Variants in CFAP69 observed in about 807,000 individuals in gnomAD.
CFAP69 encodes cilia and flagella associated protein 69.
A neutral mutation model predicts 123.0 loss-of-function variants in CFAP69; 92 were observed. That is an observed-to-expected ratio of 0.75 (90% CI 0.63 to 0.89). The LOEUF is 0.89. Among genes scored for constraint, CFAP69 ranks in the 40% least tolerant of loss-of-function variants. CFAP69 has a pLI of 0.00. For synonymous variants in CFAP69, 380 were observed against 364.3 expected (o/e 1.04, Z -0.49); for missense variants, 1,067 against 1,096.9 (o/e 0.97, Z 0.39).
At chr7:90,278,025 G>A (rs952995830) in intron 11 of CFAP69, among the ~76,000 whole-genome samples, 5 of 151,992 alleles carry the variant, frequency 3.3e-5, no homozygotes, top group Non-Finnish European at 2.9e-5. Context: ...GACAGTAAAT[G>A]TATTATTAAC....
downstream of CFAP69, among the ~76,000 whole-genome samples, chr7:90,311,851 C>T (rs1466770875): frequency 2.0e-5 from 3 of 152,134 alleles, no homozygotes; most frequent in Non-Finnish European, 4.4e-5. Flanking sequence ...TTGTTCTCTC[C>T]TGAATCCCTT....
At chr7:90,292,426 A>T (rs549851308) in intron 15 of CFAP69, among the ~76,000 whole-genome samples, 1 of 152,340 alleles carries the variant, frequency 6.6e-6, no homozygotes, top group East Asian at 1.9e-4. Context: ...GGCTTTACAC[A>T]TCAAGTCTGA....
At chr7:90,256,923 T>G (rs569898081) in intron 2 of CFAP69, among the ~76,000 whole-genome samples, 1 of 152,290 alleles carries the variant, frequency 6.6e-6, no homozygotes, top group South Asian at 2.1e-4. Flanking sequence ...TTATTTTCAT[T>G]TTTAATTGAC....
At chr7:90,319,471 A>G in the CFAP69 span, 6 of 398,480 alleles carry the variant, frequency 1.5e-5, no homozygotes, top group African/African-American at 1.2e-4. Context: ...ATCCTGAGCT[A>G]TGTTTAAGAA....
At chr7:90,268,605 A>G (rs1214678801) in intron 6 of CFAP69, among the ~76,000 whole-genome samples, 1 of 152,132 alleles carries the variant, frequency 6.6e-6, no homozygotes, top group African/African-American at 2.4e-5. Flanking sequence ...AATATGAACA[A>G]ATTTGTAAAG....
intron 5 of CFAP69, among the ~76,000 whole-genome samples, chr7:90,267,508 A>G (rs1241622912): frequency 1.3e-5 from 2 of 152,226 alleles, no homozygotes; most frequent in Non-Finnish European, 2.9e-5. Context: ...TAGGACTTCA[A>G]CAGAGTAGAT....
chr7:90,282,434 T>A (rs1489547608), intron 12 of CFAP69, among the ~76,000 whole-genome samples: 1 of 152,180 alleles, frequency 6.6e-6, no homozygotes, highest in Non-Finnish European at 1.5e-5. Flanking sequence ...TAAAATTCAA[T>A]GTGGATGTAT....
At chr7:90,308,094 A>G (rs1176373200) in intron 21 of CFAP69, among the ~76,000 whole-genome samples, 1 of 152,176 alleles carries the variant, frequency 6.6e-6, no homozygotes, top group Non-Finnish European at 1.5e-5. Context: ...TTCTTGACCT[A>G]CATAAAGAAG....
chr7:90,277,831 T>C (rs921066776), intron 11 of CFAP69, among the ~76,000 whole-genome samples: 18 of 152,136 alleles, frequency 1.2e-4, no homozygotes, highest in African/African-American at 4.1e-4. Flanking sequence ...CGTGATATAA[T>C]TTGAAAAATA....
Position 90,245,564 on chromosome 7 carries a change from C to A in CFAP69, c.120+20C>A. On this transcript the variant is annotated intron_variant, in intron 1 of 22. Transcript: ENST00000389297. ...GCGCAGGTATGAGCAGGTGTCTGTG[C>A]TTTCAGAGGTGGAGGGGGTGGGAGT... The A allele has an allele frequency of 6.9e-7, 1 of 1,457,700 alleles. No individual in the cohort carries two copies. Among genetic ancestry groups the A allele is most frequent in the Admixed American group, 2.7e-5 (1 of 37,322 alleles). The allele number at this position is 1,457,700 out of a possible 1,614,324, so 90.3% of individuals were successfully genotyped here.
intron 6 of CFAP69, 79 bp from the exon 7 acceptor site, chr7:90,271,447 A>G: frequency 7.0e-7 from 1 of 1,426,278 alleles, no homozygotes; most frequent in Non-Finnish European, 9.5e-7. Flanking sequence ...CTGTTGCTTA[A>G]TAATAAATTA....
intron 13 of CFAP69, among the ~76,000 whole-genome samples, 170 bp downstream of exon 13, chr7:90,283,226 AATATC>A (rs1378923841): frequency 6.6e-6 from 1 of 152,172 alleles, no homozygotes; most frequent in East Asian, 1.9e-4. Flanking sequence ...GTCTTATTGA[AATATC>A]ATACTTACTA....
chr7:90,254,442 A>G lies in CFAP69; in HGVS notation c.121-981A>G, dbSNP rs1038618023. 2.0e-5 allele frequency among the ~76,000 whole-genome samples: 3 copies of G among 152,096 alleles called. No individual in the cohort carries two copies. In the South Asian group the frequency reaches 6.2e-4, roughly 32 times the overall value. Reference sequence around the variant, plus strand: ...CCAAATCTTTATTAAGCAACTAACAATATTATATGTCAGGCCCAGTGTTGG... The same window carrying G: ...CCAAATCTTTATTAAGCAACTAACAGTATTATATGTCAGGCCCAGTGTTGG... On this transcript the variant is annotated intron_variant, in intron 1 of 22. Transcript: ENST00000389297.
At chr7:90,287,571 A>G in intron 14 of CFAP69, 1 of 985,350 alleles carries the variant, frequency 1.0e-6, no homozygotes, top group Non-Finnish European at 1.2e-6. Flanking sequence ...GGAATTGGAA[A>G]GATAAAAACA....
chr7:90,306,861 T>C (rs17869850), intron 19 of CFAP69, 40 bp from the exon 20 acceptor site: 5 of 1,196,646 alleles, frequency 4.2e-6, no homozygotes, highest in Non-Finnish European at 4.9e-6. Context: ...GCATGATTTG[T>C]TTTTGGTTAA....
At chr7:90,280,393 G>T (rs551872038) in intron 12 of CFAP69, among the ~76,000 whole-genome samples, 1 of 152,082 alleles carries the variant, frequency 6.6e-6, no homozygotes, top group South Asian at 2.1e-4. Context: ...ACAGGGTTTC[G>T]CCATGTTGCC....
intron 9 of CFAP69, chr7:90,276,300 T>C (rs916097858): frequency 6.6e-5 from 10 of 152,244 alleles, no homozygotes; most frequent in African/African-American, 2.2e-4. Context: ...CTGCAACTTA[T>C]AGGTAGACCT....
At chr7:90,300,473 T>C in intron 17 of CFAP69, 1 of 776,462 alleles carries the variant, frequency 1.3e-6, no homozygotes, top group Non-Finnish European at 1.6e-6. Context: ...CAACATGATC[T>C]GATTAATGTT....
chr7:90,245,297 C>T lies in CFAP69; in HGVS notation c.-128C>T. 1 of 1,321,324 alleles carries T rather than the reference C, an allele frequency of 7.6e-7. No homozygotes were observed. The highest frequency in any genetic ancestry group is 3.1e-5 in the East Asian group (1 of 32,200). 81.8% of individuals were successfully genotyped at this position (1,321,324 alleles called of 1,614,324 possible). On this transcript the variant is annotated 5_prime_UTR_variant, in exon 1 of 23. Coordinates refer to ENST00000389297, the MANE Select transcript of CFAP69 (RefSeq NM_001039706.3). ...TAGGCCCCTGGCGGAATTTTGGGAC[C>T]TTTCGCGACTCTAGCGACTCTCAGG... is the stretch of plus-strand genomic sequence containing the variant.
Sources: gnomAD v4.1 joint callset for allele counts (sites outside exome capture counted in the v4.1 genomes callset) on GRCh38, gnomAD v4.1.1 for gene constraint, MANE v1.5 for transcripts, NCBI Gene and HGNC (gene_info 2026-07-23, HGNC 2026-07-21) for gene names.